Variants in PCDHA7 observed in about 807,000 individuals in gnomAD.
PCDHA7 encodes protocadherin alpha-7.
PCDHA7 carries 37 observed loss-of-function variants against 57.2 expected under a neutral mutation model. The observed-to-expected ratio is 0.65, with a 90% confidence interval of 0.50 to 0.85. PCDHA7 has a LOEUF of 0.85. PCDHA7 is among the 40% of genes least tolerant of loss of function. PCDHA7 has a pLI of 0.00. For missense variants in PCDHA7, 1,188 were observed against 1,241.8 expected, an observed-to-expected ratio of 0.96 and a Z score of 0.65; for synonymous variants, 553 against 558.8, an observed-to-expected ratio of 0.99 and a Z score of 0.15.
Position 140,870,561 on chromosome 5 carries a change from C to A in PCDHA7, c.2355+33823C>A, listed in dbSNP as rs544569992. On this transcript the variant is annotated intron_variant, in intron 1 of 3. Transcript: ENST00000525929. Reference sequence around the variant, plus strand: ...CGCGGGACGCGGACGCGCAGGAGAACGCGCTGGTGTCCTACTCGCTGGTGG... The same window carrying A: ...CGCGGGACGCGGACGCGCAGGAGAAAGCGCTGGTGTCCTACTCGCTGGTGG... 86 of 1,614,010 alleles carry A rather than the reference C, an allele frequency of 5.3e-5. No homozygotes were observed. In the East Asian group the frequency reaches 1.7e-3, roughly 33 times the overall value.
At chr5:140,867,525 TA>T (rs2050008799) in intron 1 of PCDHA7, 4 of 152,102 alleles carry the variant, frequency 2.6e-5, no homozygotes, top group Admixed American at 2.6e-4. Context: ...AATAGTTGAA[TA>T]TATATATAAA....
chr5:140,851,140 G>C, intron 1 of PCDHA7: 1 of 1,310,362 alleles, frequency 7.6e-7, no homozygotes, highest in Non-Finnish European at 9.9e-7. Flanking sequence ...TGATTAAAGT[G>C]ACATTGAATT....
At position 140,850,923 on chromosome 5, in the gene PCDHA7, AT is replaced by A. The variant is rs2150502772; in HGVS notation, c.2355+14193del. 1.2e-4 allele frequency: 181 copies of A among 1,521,692 alleles called. 10 individuals carry two copies. The South Asian group carries it at 1.6e-3, about 13-fold the overall frequency. 94.3% of individuals were successfully genotyped at this position (1,521,692 alleles called of 1,614,324 possible). ...TTCTAGCATTTTATTTATTTATATAATTTTTTTTCTTGAAAGATATTATCGA... is the reference window on the plus strand; with the variant it reads ...TTCTAGCATTTTATTTATTTATATAATTTTTTTCTTGAAAGATATTATCGA... On this transcript the variant is annotated intron_variant, in intron 1 of 3. Coordinates refer to ENST00000525929, the MANE Select transcript of PCDHA7 (RefSeq NM_018910.3).
At chr5:140,905,116 C>A (rs570992369) in intron 1 of PCDHA7, among the ~76,000 whole-genome samples, 1 of 152,282 alleles carries the variant, frequency 6.6e-6, no homozygotes, top group Non-Finnish European at 1.5e-5. Context: ...TTGCCTAAGC[C>A]AATGTCTAGA....
At chr5:140,910,095 C>T (rs1011405673) in intron 1 of PCDHA7, among the ~76,000 whole-genome samples, 1 of 152,188 alleles carries the variant, frequency 6.6e-6, no homozygotes, top group Non-Finnish European at 1.5e-5. Flanking sequence ...GAACCAGCCT[C>T]CCCTTCATTT....
chr5:140,875,386 C>G, intron 1 of PCDHA7: 1 of 1,465,972 alleles, frequency 6.8e-7, no homozygotes, highest in Non-Finnish European at 9.0e-7. Flanking sequence ...TATGTACTTA[C>G]AGAAAAGGGT....
intron 1 of PCDHA7, chr5:140,882,591 T>C (rs781883775): frequency 1.2e-6 from 2 of 1,614,116 alleles, no homozygotes; most frequent in South Asian, 2.2e-5. Flanking sequence ...CACCTGGAGG[T>C]GATCGTGGAC....
intron 1 of PCDHA7, among the ~76,000 whole-genome samples, chr5:140,938,353 C>G (rs2092034112): frequency 6.6e-6 from 1 of 152,138 alleles, no homozygotes; most frequent in Admixed American, 6.5e-5. Flanking sequence ...TGTCTTATTC[C>G]TGGTCTCAGA....
chr5:141,003,308 A>C (rs2098118679), intron 3 of PCDHA7, among the ~76,000 whole-genome samples: 1 of 152,200 alleles, frequency 6.6e-6, no homozygotes, highest in Non-Finnish European at 1.5e-5. Context: ...TGAAGTGGCC[A>C]GCTACTTCCA....
At chr5:140,919,489 T>C (rs1554199092) in intron 1 of PCDHA7, among the ~76,000 whole-genome samples, 2 of 152,222 alleles carry the variant, frequency 1.3e-5, no homozygotes, top group African/African-American at 4.8e-5. Context: ...TTATGTTTGT[T>C]ATTTTACTCC....
intron 1 of PCDHA7, among the ~76,000 whole-genome samples, chr5:140,909,682 A>G (rs1172515528): frequency 1.3e-5 from 2 of 152,132 alleles, no homozygotes; most frequent in Non-Finnish European, 2.9e-5. Flanking sequence ...CAGGGAGCCA[A>G]TGTGGGGGTT....
At chr5:140,851,199 C>T in intron 1 of PCDHA7, 2 of 1,195,966 alleles carry the variant, frequency 1.7e-6, no homozygotes, top group Non-Finnish European at 2.1e-6. Context: ...AGTTGTTAGT[C>T]ATTCATTAAA....
intron 1 of PCDHA7, among the ~76,000 whole-genome samples, chr5:140,906,486 A>G (rs2072686991): frequency 6.6e-6 from 1 of 152,270 alleles, no homozygotes; most frequent in South Asian, 2.1e-4. Context: ...GTATAAATGC[A>G]CAAACATGTT....
intron 1 of PCDHA7, among the ~76,000 whole-genome samples, chr5:140,873,125 A>G (rs1252639627): frequency 6.6e-6 from 1 of 152,208 alleles, no homozygotes. Context: ...CAATATTCAA[A>G]GAGTCTATGC....
At chr5:140,906,807 A>G (rs2072952420) in intron 1 of PCDHA7, among the ~76,000 whole-genome samples, 1 of 152,004 alleles carries the variant, frequency 6.6e-6, no homozygotes, top group African/African-American at 2.4e-5. Flanking sequence ...ACTCTTCCTT[A>G]CCTCCACTGT....
At chr5:141,001,265 T>C (rs71583613) in intron 3 of PCDHA7, among the ~76,000 whole-genome samples, 24 of 152,168 alleles carry the variant, frequency 1.6e-4, no homozygotes, top group Admixed American at 7.2e-4. Flanking sequence ...GGCACTCTTA[T>C]GAACTTTTTT....
chr5:140,880,381 A>C (rs2058322833), intron 1 of PCDHA7, among the ~76,000 whole-genome samples: 1 of 152,196 alleles, frequency 6.6e-6, no homozygotes, highest in Admixed American at 6.5e-5. Context: ...GAGAATAGAA[A>C]ATAATTTTTA....
intron 1 of PCDHA7, among the ~76,000 whole-genome samples, chr5:140,872,454 C>T (rs1410815153): frequency 1.3e-5 from 2 of 152,062 alleles, no homozygotes; most frequent in Non-Finnish European, 2.9e-5. Context: ...TAGCGAGATC[C>T]TGTCTCTATA....
Position 140,992,419 on chromosome 5 carries a change from A to C in PCDHA7, c.2503+9856A>C, listed in dbSNP as rs554370784. The stretch of plus-strand genomic sequence containing the variant: ...GAGATATTGTTCTGCCCCAGGTCTA[A>C]GAATATTGTTCCAAGAGTTGGGAGC... On this transcript the variant is annotated intron_variant, in intron 3 of 3. Transcript: ENST00000525929. Among the ~76,000 whole-genome samples the C allele has an allele frequency of 3.3e-5, 5 of 152,318 alleles. No individual in the cohort carries two copies. In the East Asian group the frequency reaches 7.7e-4, roughly 23 times the overall value.
Sources: allele counts gnomAD v4.1 joint callset (sites outside exome capture counted in the v4.1 genomes callset), GRCh38; gene constraint gnomAD v4.1.1; transcripts MANE v1.5; gene names NCBI Gene and HGNC (gene_info 2026-07-23, HGNC 2026-07-21).